The following RPTOR variants were observed in gnomAD, a reference collection of about 807,000 sequenced individuals.
RPTOR encodes the protein regulatory associated protein of MTOR complex 1, also known as regulatory-associated protein of mTOR.
RPTOR carries 21 observed loss-of-function variants against 169.9 expected under a neutral mutation model. The ratio of observed to expected loss-of-function variants is 0.12; its 90% confidence interval spans 0.09 to 0.18. The LOEUF (loss-of-function observed/expected upper bound fraction) is 0.18, where lower values mean the gene tolerates loss of function less well. Among genes scored for constraint, RPTOR ranks in the 10% least tolerant of loss-of-function variants. The pLI, the probability that RPTOR is intolerant of heterozygous loss-of-function variation, is 1.00. For missense variants in RPTOR, 1,133 were observed against 1,855.9 expected (o/e 0.61, Z 7.16); for synonymous variants, 732 against 753.2 (o/e 0.97, Z 0.46).
chr17:80,913,847 T>TC (rs2068640386), intron 21 of RPTOR, among the ~76,000 whole-genome samples: 1 of 152,130 alleles, frequency 6.6e-6, no homozygotes, highest in African/African-American at 2.4e-5. Context: ...CCCCAGCAGT[T>TC]CTCACCTCAG....
At chr17:80,778,272 T>A (rs1176562207) in intron 6 of RPTOR, among the ~76,000 whole-genome samples, 1 of 152,174 alleles carries the variant, frequency 6.6e-6, no homozygotes, top group Non-Finnish European at 1.5e-5. Context: ...GATAGAAAAT[T>A]AACCTCCTTC....
At chr17:80,559,276 G>A (rs962577334) in intron 1 of RPTOR, among the ~76,000 whole-genome samples, 3 of 152,172 alleles carry the variant, frequency 2.0e-5, no homozygotes, top group Admixed American at 6.5e-5. Context: ...AGCACACGAC[G>A]GTGCTTTGTC....
intron 28 of RPTOR, among the ~76,000 whole-genome samples, chr17:80,950,912 G>A (rs1020032979): frequency 6.6e-6 from 1 of 152,246 alleles, no homozygotes; most frequent in African/African-American, 2.4e-5. Flanking sequence ...CTTCAGCACG[G>A]GAGCGCCTGG....
At chr17:80,876,704 C>A (rs2068119817) in intron 13 of RPTOR, among the ~76,000 whole-genome samples, 1 of 119,544 alleles carries the variant, frequency 8.4e-6, no homozygotes, top group Non-Finnish European at 1.7e-5. Context: ...AGCCCCTCCA[C>A]CCAGGATGTG....
At chr17:80,682,881 G>A (rs893173935) in intron 3 of RPTOR, among the ~76,000 whole-genome samples, 2 of 152,056 alleles carry the variant, frequency 1.3e-5, no homozygotes, top group African/African-American at 4.8e-5. Flanking sequence ...GCTCACTGCA[G>A]CCTTGAACTC....
At chr17:80,782,239 C>T (rs909232838) in intron 6 of RPTOR, among the ~76,000 whole-genome samples, 1 of 152,100 alleles carries the variant, frequency 6.6e-6, no homozygotes, top group African/African-American at 2.4e-5. Flanking sequence ...GAAATTGACA[C>T]GGTGGACTCT....
chr17:80,735,620 C>T (rs187179946), intron 5 of RPTOR, among the ~76,000 whole-genome samples: 5 of 152,262 alleles, frequency 3.3e-5, no homozygotes, highest in African/African-American at 1.2e-4. Context: ...CAGTCAAGCC[C>T]GGAGTCAAAT....
chr17:80,561,253 ATATATATATG>A (rs2084486823), intron 1 of RPTOR, among the ~76,000 whole-genome samples: 944 of 6,224 alleles, frequency 0.15, 18 homozygotes, highest in Middle Eastern at 0.2. Flanking sequence ...ATATATATGT[ATATATATATG>A]TATATATATA....
In RPTOR at chr17:80,891,733, C is replaced by T. The variant is rs2068326872; in HGVS notation, c.1997C>T (p.Ala666Val). 6.2e-7 allele frequency: 1 copy of T among 1,613,050 alleles called. No homozygotes were observed. The highest frequency in any genetic ancestry group is 8.5e-7 in the Non-Finnish European group (1 of 1,179,086). The change falls in exon 18 of 34, where the codon GCT (alanine) becomes GTT (valine). Residue 666 changes from alanine (A) to valine (V), a missense_variant. Physicochemically the swap from Ala to Val is moderately conservative, Grantham distance 64 (BLOSUM62 0). Transcript: ENST00000306801. The stretch of plus-strand genomic sequence containing the variant: ...CCCTCTCGGCAGGAGCTGGTGGTGG[C>T]TCTGAGTCATCTTGTGGTTCAGTAT... ...SPMVRKELVV[A>V]LSHLVVQYES...
At chr17:80,889,951 G>A (rs1253136388) in intron 17 of RPTOR, among the ~76,000 whole-genome samples, 2 of 90,390 alleles carry the variant, frequency 2.2e-5, no homozygotes, top group Non-Finnish European at 5.4e-5. Context: ...CAGGATGTGC[G>A]GCCTCCGAGG....
intron 20 of RPTOR, among the ~76,000 whole-genome samples, chr17:80,902,317 G>T (rs1189327736): frequency 2.0e-5 from 3 of 152,164 alleles, no homozygotes; most frequent in African/African-American, 7.2e-5. Flanking sequence ...TCAGCCTCCT[G>T]CCCCCCGTCT....
At chr17:80,700,461 TG>T (rs2066077189) in intron 3 of RPTOR, among the ~76,000 whole-genome samples, 1 of 146,830 alleles carries the variant, frequency 6.8e-6, no homozygotes, top group Non-Finnish European at 1.5e-5. Flanking sequence ...GTGATGGTGG[TG>T]GTGGTGGTGG....
At chr17:80,859,779 T>C (rs1477250868) in intron 13 of RPTOR, among the ~76,000 whole-genome samples, 1 of 152,258 alleles carries the variant, frequency 6.6e-6, no homozygotes, top group Non-Finnish European at 1.5e-5. Flanking sequence ...TGTGGCGCCC[T>C]GTCAGGCGGC....
chr17:80,825,813 A>G (rs1321267147), intron 9 of RPTOR, among the ~76,000 whole-genome samples: 3 of 152,146 alleles, frequency 2.0e-5, no homozygotes, highest in South Asian at 2.1e-4. Flanking sequence ...TCCAGCCCGC[A>G]TGGTCCATCA....
intron 2 of RPTOR, among the ~76,000 whole-genome samples, chr17:80,627,112 G>A (rs1372781753): frequency 3.3e-5 from 5 of 152,172 alleles, no homozygotes; most frequent in Admixed American, 2.6e-4. Flanking sequence ...GTCGTAGCAT[G>A]TGTCAGAATT....
intron 1 of RPTOR, among the ~76,000 whole-genome samples, chr17:80,608,033 G>A (rs1221749112): frequency 2.0e-5 from 3 of 152,104 alleles, no homozygotes; most frequent in Non-Finnish European, 2.9e-5. Context: ...TTTTGCTGAC[G>A]GTGTATTGCT....
Position 80,550,739 on chromosome 17 carries a change from C to T in RPTOR, c.162+4948C>T, listed in dbSNP as rs530743274. 2.0e-5 allele frequency among the ~76,000 whole-genome samples: 3 copies of T among 152,294 alleles called. No individual in the cohort carries two copies. In the East Asian group the frequency reaches 5.8e-4, roughly 29 times the overall value. On this transcript the variant is annotated intron_variant, in intron 1 of 33. Coordinates refer to ENST00000306801, the MANE Select transcript of RPTOR (RefSeq NM_020761.3). Reference sequence around the variant, plus strand: ...CATCAGCGTTACTTCCAAAGCATGTCTTACATTGGCCTGCTTCATTTTGTC... The same window carrying T: ...CATCAGCGTTACTTCCAAAGCATGTTTTACATTGGCCTGCTTCATTTTGTC...
intron 28 of RPTOR, among the ~76,000 whole-genome samples, chr17:80,954,417 C>T (rs78322484): frequency 0.024 from 3,597 of 152,190 alleles, 166 homozygotes; most frequent in African/African-American, 0.083. Flanking sequence ...CCACTGTGCC[C>T]GGGCTACATT....
At chr17:80,846,346 C>T (rs2067730001) in intron 10 of RPTOR, 127 bp from the exon 11 acceptor site, 1 of 870,028 alleles carries the variant, frequency 1.1e-6, no homozygotes, top group Admixed American at 2.2e-5. Flanking sequence ...AGCCGCCTGG[C>T]ATCCTCGCGG....
Sources: allele counts gnomAD v4.1 joint callset (sites outside exome capture counted in the v4.1 genomes callset), GRCh38; gene constraint gnomAD v4.1.1; transcripts MANE v1.5; gene names NCBI Gene and HGNC (gene_info 2026-07-23, HGNC 2026-07-21).